The following TMEM100 variants were observed in gnomAD, a reference collection of about 807,000 sequenced individuals.
TMEM100 encodes the protein transmembrane protein 100.
For missense variants in TMEM100, 137 were observed against 168.2 expected (o/e 0.81, Z 1.02); for synonymous variants, 61 against 67.1 (o/e 0.91, Z 0.44).
At chr17:55,724,158 C>G (rs1909000350), upstream of TMEM100, among the ~76,000 whole-genome samples, 1 of 152,186 alleles carries the variant, frequency 6.6e-6, no homozygotes, top group Admixed American at 6.5e-5. Flanking sequence ...TTAGATTTCT[C>G]TAATAGCTGG....
rs147689122 is a variant in TMEM100, at chr17:55,728,992, G to A, written c.-358-1010C>T. Among the ~76,000 whole-genome samples, 227 of 152,332 alleles carry A rather than the reference G, an allele frequency of 1.5e-3. 1 individual carries two copies. Among genetic ancestry groups the A allele is most frequent in the Middle Eastern group, 3.4e-3 (1 of 294 alleles). On this transcript the variant is annotated intron_variant, in intron 1 of 3. Coordinates refer to the TMEM100 transcript ENST00000575734. ...TTTGGCAGAATTTTAAAGAGCACAGGGCAGGCAGAGAGCAGTCAAAATAAG... is the reference window on the plus strand; with the variant it reads ...TTTGGCAGAATTTTAAAGAGCACAGAGCAGGCAGAGAGCAGTCAAAATAAG...
upstream of TMEM100, among the ~76,000 whole-genome samples, chr17:55,723,902 AG>A (rs1186695927): frequency 2.0e-5 from 3 of 152,250 alleles, no homozygotes; most frequent in African/African-American, 7.2e-5. Context: ...GTGACTTTAT[AG>A]GTTTATGCTT....
upstream of TMEM100, among the ~76,000 whole-genome samples, chr17:55,725,494 C>T (rs1027810744): frequency 1.3e-5 from 2 of 152,166 alleles, no homozygotes; most frequent in African/African-American, 4.8e-5. Context: ...TTACCTTTCC[C>T]AGCCAGAGTT....
upstream of TMEM100, among the ~76,000 whole-genome samples, chr17:55,724,235 C>T (rs575734401): frequency 1.3e-5 from 2 of 152,274 alleles, no homozygotes; most frequent in Admixed American, 6.5e-5. Context: ...TCCAGCCTTG[C>T]CTTGTAGCAA....
intron 1 of TMEM100, among the ~76,000 whole-genome samples, chr17:55,731,390 G>A (rs542924914): frequency 1.3e-5 from 2 of 152,254 alleles, no homozygotes; most frequent in South Asian, 4.1e-4. Flanking sequence ...TTAACTGAAA[G>A]TCGAGAAACT....
chr17:55,731,690 T>A (rs1458902126), exon 1 of TMEM100: 1 of 152,208 alleles, frequency 6.6e-6, no homozygotes, highest in Non-Finnish European at 1.5e-5. Context: ...TGGATAGTCA[T>A]CTATTTCCAT....
Position 55,719,955 on chromosome 17 carries a change from C to T in TMEM100, c.*711G>A, listed in dbSNP as rs948786479. 1 of 152,534 alleles carries T rather than the reference C, an allele frequency of 6.6e-6. No individual in the cohort carries two copies. The highest frequency in any genetic ancestry group is 6.5e-5 in the Admixed American group (1 of 15,268). The allele number at this position is 152,534 out of a possible 1,614,324, so 9.4% of individuals were successfully genotyped here. A position where few individuals can be genotyped will look rare whatever the true frequency, so the allele number is the denominator to read the frequency against. On this transcript the variant is annotated 3_prime_UTR_variant, in exon 2 of 2. Transcript: ENST00000424486. ...TATTTATTATTCTGAATGAAATGTACAGTTGACTTTTATATAAAAATCATC... is the reference window on the plus strand; with the variant it reads ...TATTTATTATTCTGAATGAAATGTATAGTTGACTTTTATATAAAAATCATC...
intron 1 of TMEM100, chr17:55,731,609 T>C (rs1341612469): frequency 6.6e-6 from 1 of 152,184 alleles, no homozygotes. Context: ...AGAACAGCTG[T>C]AGGAAGCCTC....
At position 55,720,741 on chromosome 17, in the gene TMEM100, T is replaced by C; in HGVS notation, c.330A>G (p.Arg110=). The change falls in exon 2 of 2, where the codon AGA becomes AGG. Residue 110 remains arginine, a synonymous_variant. Coordinates refer to ENST00000424486, the MANE Select transcript of TMEM100 (RefSeq NM_018286.3). ...GTCTCTTGGCTTTCTTGCTCCTTTG[T>C]CTCACTTTCCAGCACAAGGCACTGG... ...LASSALCWKV[R]QRSKKAKRRE... The C allele has an allele frequency of 3.1e-6, 5 of 1,614,152 alleles. No homozygotes were observed. Among genetic ancestry groups the C allele is most frequent in the Non-Finnish European group, 4.2e-6 (5 of 1,180,026 alleles).
Position 55,721,081 on chromosome 17 carries a change from G to T in TMEM100, c.-11C>A. The T allele has an allele frequency of 6.3e-7, 1 of 1,598,026 alleles. No homozygotes were observed. ...GGGCTCTTCAGTCATTTTTACAACA[G>T]TGCTTCTAAGCTGGGTTTACAGACT... On this transcript the variant is annotated 5_prime_UTR_variant, in exon 2 of 2. It adds an upstream start codon to the 5' untranslated region. Transcript: ENST00000424486.
At chr17:55,725,452 C>CCCA (rs1909038492), upstream of TMEM100, among the ~76,000 whole-genome samples, 1 of 152,140 alleles carries the variant, frequency 6.6e-6, no homozygotes, top group Non-Finnish European at 1.5e-5. Flanking sequence ...ACATTTCCTT[C>CCCA]CCAGATCTTT....
At chr17:55,728,190 A>G (rs1294502946) in intron 1 of TMEM100, among the ~76,000 whole-genome samples, 2 of 152,182 alleles carry the variant, frequency 1.3e-5, no homozygotes, top group African/African-American at 4.8e-5. Flanking sequence ...ATTTTATTTA[A>G]AGTGGCAGAG....
intron 1 of TMEM100, chr17:55,721,377 C>T (rs143975703): frequency 0.01 from 2,870 of 276,946 alleles, 45 homozygotes; most frequent in South Asian, 0.064. Context: ...TATACCCTGG[C>T]GGTCTACAAA....
Position 55,720,362 on chromosome 17 carries a change from TG to T in TMEM100, c.*303del. 3.3e-6 allele frequency: 1 copy of T among 305,418 alleles called. No homozygotes were observed. The allele number at this position is 305,418 out of a possible 1,614,324, so 18.9% of individuals were successfully genotyped here. Reference sequence around the variant, plus strand: ...TATCTTGATTTTTCTCATCTTTTCTTGGCTACTTTACAGGGTGAACCAAATA... The same window carrying T: ...TATCTTGATTTTTCTCATCTTTTCTTGCTACTTTACAGGGTGAACCAAATA... On this transcript the variant is annotated 3_prime_UTR_variant, in exon 2 of 2. Coordinates refer to ENST00000424486, the MANE Select transcript of TMEM100 (RefSeq NM_018286.3).
At chr17:55,728,950 G>A (rs1909136718) in intron 1 of TMEM100, among the ~76,000 whole-genome samples, 1 of 152,234 alleles carries the variant, frequency 6.6e-6, no homozygotes, top group African/African-American at 2.4e-5. Context: ...CTTCTACAAA[G>A]AGCACTGAGT....
upstream of TMEM100, among the ~76,000 whole-genome samples, chr17:55,725,907 G>A (rs1909058300): frequency 6.6e-6 from 1 of 152,146 alleles, no homozygotes; most frequent in Non-Finnish European, 1.5e-5. Context: ...AGAACCTGCA[G>A]AAAAGAATTC....
In TMEM100 at chr17:55,721,095, G is replaced by A; in HGVS notation, c.-25C>T. 6.3e-7 allele frequency: 1 copy of A among 1,586,178 alleles called. No individual in the cohort carries two copies. Among genetic ancestry groups the A allele is most frequent in the South Asian group, 1.2e-5 (1 of 85,014 alleles). On this transcript the variant is annotated 5_prime_UTR_variant, in exon 2 of 2. Transcript: ENST00000424486. Reference sequence around the variant, plus strand: ...TTTTTACAACAGTGCTTCTAAGCTGGGTTTACAGACTAGATCTGGACAGTC... The same window carrying A: ...TTTTTACAACAGTGCTTCTAAGCTGAGTTTACAGACTAGATCTGGACAGTC...
chr17:55,729,241 G>T (rs964245099), intron 1 of TMEM100, among the ~76,000 whole-genome samples: 5 of 152,212 alleles, frequency 3.3e-5, no homozygotes, highest in Non-Finnish European at 1.5e-5. Context: ...CAGGTAAGAG[G>T]CAATGGGCAC....
intron 1 of TMEM100, chr17:55,721,900 T>C (rs1307229662): frequency 6.6e-6 from 1 of 152,218 alleles, no homozygotes; most frequent in Non-Finnish European, 1.5e-5. Context: ...CAAAATAAAA[T>C]CAATTATTTG....
Sources: allele counts gnomAD v4.1 joint callset (sites outside exome capture counted in the v4.1 genomes callset), GRCh38; gene constraint gnomAD v4.1.1; transcripts MANE v1.5; gene names NCBI Gene and HGNC (gene_info 2026-07-23, HGNC 2026-07-21).